The following HECW1 variants were observed in gnomAD, a reference collection of about 807,000 sequenced individuals.
HECW1 encodes the protein HECT, C2 and WW domain containing E3 ubiquitin protein ligase 1, also known as E3 ubiquitin-protein ligase HECW1.
In HECW1, 61 loss-of-function variants were observed where a neutral mutation model predicts 182.3. That is an observed-to-expected ratio of 0.33 (90% CI 0.27 to 0.41). The LOEUF is 0.41. HECW1 is among the 10% of genes least tolerant of loss of function. The probability of loss-of-function intolerance (pLI) is 1.00; values close to 1 mark genes in which losing one functional copy is unlikely to be tolerated. For missense variants in HECW1, 1,739 were observed against 2,108.9 expected, an observed-to-expected ratio of 0.82 and a Z score of 3.44; for synonymous variants, 859 against 832.6, an observed-to-expected ratio of 1.03 and a Z score of -0.55.
intron 2 of HECW1, among the ~76,000 whole-genome samples, chr7:43,189,592 A>G (rs890219954): frequency 3.4e-4 from 52 of 152,062 alleles, no homozygotes; most frequent in African/African-American, 1.2e-3. Flanking sequence ...AGTAAAACAC[A>G]TTAAAAAAAA....
Position 43,562,225 on chromosome 7 carries a change from T to C in HECW1, c.*299T>C. On this transcript the variant is annotated 3_prime_UTR_variant, in exon 30 of 30. Coordinates refer to ENST00000395891, the MANE Select transcript of HECW1 (RefSeq NM_015052.5). ...TACCTCCATTACTAACAATGAAATA[T>C]GAATGCAAGTTAAGCTACACTTGAC... The C allele has an allele frequency of 1.7e-5, 5 of 293,514 alleles. No individual in the cohort carries two copies. Among genetic ancestry groups the C allele is most frequent in the Non-Finnish European group, 3.2e-5 (5 of 157,508 alleles). The allele number at this position is 293,514 out of a possible 1,614,324, so 18.2% of individuals were successfully genotyped here.
chr7:43,457,415 A>G (rs1244815986), intron 13 of HECW1, among the ~76,000 whole-genome samples: 2 of 152,216 alleles, frequency 1.3e-5, no homozygotes, highest in African/African-American at 4.8e-5. Flanking sequence ...CTGATAGCAA[A>G]TGCCTTTGAG....
chr7:43,555,148 G>A (rs1157118658), intron 29 of HECW1, among the ~76,000 whole-genome samples: 1 of 152,118 alleles, frequency 6.6e-6, no homozygotes, highest in East Asian at 1.9e-4. Context: ...GTAACCTCTC[G>A]AGCATCGTTA....
At chr7:43,536,347 C>G (rs1216382418) in intron 24 of HECW1, among the ~76,000 whole-genome samples, 1 of 152,186 alleles carries the variant, frequency 6.6e-6, no homozygotes, top group African/African-American at 2.4e-5. Flanking sequence ...GAAAACATTG[C>G]CAGAGAGAGA....
intron 2 of HECW1, among the ~76,000 whole-genome samples, chr7:43,124,390 A>C (rs1785975561): frequency 6.6e-6 from 1 of 152,254 alleles, no homozygotes; most frequent in Admixed American, 6.5e-5. Context: ...ATTTTCAGGC[A>C]ATGAGCTCAG....
intron 21 of HECW1, 42 bp downstream of exon 21, chr7:43,501,364 G>T (rs377126287): frequency 2.0e-5 from 22 of 1,113,376 alleles, no homozygotes; most frequent in East Asian, 1.6e-4. Context: ...AAGTGGCCAC[G>T]TGTGTTTCCT....
At chr7:43,427,335 T>TA (rs2076394082) in intron 8 of HECW1, among the ~76,000 whole-genome samples, 1 of 152,188 alleles carries the variant, frequency 6.6e-6, no homozygotes, top group African/African-American at 2.4e-5. Context: ...GAATTTTGTA[T>TA]AATTAAAGCC....
intron 2 of HECW1, among the ~76,000 whole-genome samples, chr7:43,176,906 G>A (rs1013597093): frequency 5.3e-5 from 8 of 152,130 alleles, no homozygotes; most frequent in Admixed American, 2.0e-4. Flanking sequence ...TTGCAATTAC[G>A]AAGCAGTGCC....
chr7:43,396,076 G>A (rs748216858), intron 6 of HECW1, among the ~76,000 whole-genome samples: 3 of 152,176 alleles, frequency 2.0e-5, no homozygotes, highest in Non-Finnish European at 4.4e-5. Flanking sequence ...AGGCAAATAG[G>A]AAGAGTCATT....
At chr7:43,245,680 G>C (rs535184899) in intron 3 of HECW1, 1 of 152,272 alleles carries the variant, frequency 6.6e-6, no homozygotes, top group Non-Finnish European at 1.5e-5. Flanking sequence ...ATTTATGTGA[G>C]TGAGTTCTCA....
At chr7:43,270,299 C>T (rs1802256200) in intron 3 of HECW1, among the ~76,000 whole-genome samples, 1 of 152,192 alleles carries the variant, frequency 6.6e-6, no homozygotes, top group Non-Finnish European at 1.5e-5. Context: ...GGGCTGCTGT[C>T]ATCTGATGGG....
At chr7:43,254,259 T>TC (rs57637215) in intron 3 of HECW1, among the ~76,000 whole-genome samples, 2,202 of 152,304 alleles carry the variant, frequency 0.014, 56 homozygotes, top group African/African-American at 0.051. Context: ...ATCTTTTTTT[T>TC]CCAGTGGAGA....
At chr7:43,460,446 AG>A (rs916825408) in intron 13 of HECW1, among the ~76,000 whole-genome samples, 1 of 151,972 alleles carries the variant, frequency 6.6e-6, no homozygotes, top group African/African-American at 2.4e-5. Context: ...GCTTTTTTAA[AG>A]GGGGGAGGTT....
At chr7:43,554,478 CA>C (rs2081954768) in intron 28 of HECW1, 113 bp from the exon 29 acceptor site, 1 of 900,578 alleles carries the variant, frequency 1.1e-6, no homozygotes, top group African/African-American at 1.7e-5. Flanking sequence ...GAAATCAGAT[CA>C]AAAGCAGCGG....
Position 43,127,266 on chromosome 7 carries a change from GT to G in HECW1, c.-32+12876del, listed in dbSNP as rs1291938225. Among the ~76,000 whole-genome samples, 3 of 152,190 alleles carry G rather than the reference GT, an allele frequency of 2.0e-5. No individual in the cohort carries two copies. In the East Asian group the frequency reaches 5.8e-4, roughly 29 times the overall value. On this transcript the variant is annotated intron_variant, in intron 2 of 29. Transcript: ENST00000395891. ...TGGCCGGGCAAGGTAGCTCATGCCT[GT>G]AATCCCAGCACTTTGGGAGGCCGAG...
chr7:43,304,414 C>T (rs1807265506), intron 3 of HECW1, among the ~76,000 whole-genome samples: 2 of 152,104 alleles, frequency 1.3e-5, no homozygotes, highest in Non-Finnish European at 2.9e-5. Context: ...CCAGGTGCAC[C>T]CCAGCCCACA....
chr7:43,554,745 G>T lies in HECW1; in HGVS notation c.4664G>T (p.Arg1555Leu). The change falls in exon 29 of 30, where the codon CGG becomes CTG. Residue 1555 changes from arginine to leucine, a missense_variant. Arg to Leu is a moderately radical substitution (Grantham distance 102, BLOSUM62 -2). This residue lies in a region of HECW1 where 420 missense variants were observed against 595.7 expected (regional missense o/e 0.71). Transcript: ENST00000395891. Reference sequence around the variant, plus strand: ...GCCCTCCGTGGGAGCAATGGGCTTCGGCGCTTCTGCATAGAGAAATGGGGG... The same window carrying T: ...GCCCTCCGTGGGAGCAATGGGCTTCTGCGCTTCTGCATAGAGAAATGGGGG... ...FAALRGSNGL[R>L]RFCIEKWGKI... The T allele has an allele frequency of 6.2e-7, 1 of 1,614,074 alleles. No individual in the cohort carries two copies. Among genetic ancestry groups the T allele is most frequent in the Non-Finnish European group, 8.5e-7 (1 of 1,179,972 alleles).
chr7:43,488,491 AAAG>A (rs2078801890), intron 17 of HECW1, among the ~76,000 whole-genome samples: 1 of 148,902 alleles, frequency 6.7e-6, no homozygotes, highest in Non-Finnish European at 1.5e-5. Flanking sequence ...AAAGAAAGAG[AAAG>A]AAAGAAAGAA....
chr7:43,143,996 T>C (rs1024833966), intron 2 of HECW1, among the ~76,000 whole-genome samples: 2 of 152,176 alleles, frequency 1.3e-5, no homozygotes, highest in South Asian at 4.1e-4. Context: ...TCACAGATGA[T>C]GATATTGCTG....
Sources: allele counts gnomAD v4.1 joint callset (sites outside exome capture counted in the v4.1 genomes callset), GRCh38; gene constraint gnomAD v4.1.1; regional missense constraint gnomAD v4.1.1; transcripts MANE v1.5; gene names NCBI Gene and HGNC (gene_info 2026-07-23, HGNC 2026-07-21).